Variants in PIR observed in about 807,000 individuals in gnomAD.
PIR encodes pirin, also known as pirin (iron-binding nuclear protein).
PIR carries 22 observed loss-of-function variants against 24.2 expected under a neutral mutation model. The observed-to-expected ratio is 0.91, with a 90% confidence interval of 0.65 to 1.30. PIR has a LOEUF of 1.30. Among genes scored for constraint, PIR ranks in the 50% most tolerant of loss-of-function variants. The pLI, the probability that PIR is intolerant of heterozygous loss-of-function variation, is 0.00. For missense variants in PIR, 220 were observed against 220.3 expected (o/e 1.00, Z 0.01); for synonymous variants, 80 against 79.6 (o/e 1.00, Z -0.03).
chrX:15,473,689 T>C (rs1462191633), intron 3 of PIR, among the ~76,000 whole-genome samples: 1 of 111,057 alleles, frequency 9.0e-6, no homozygotes, highest in Non-Finnish European at 1.9e-5. Context: ...CCCAAGTAAC[T>C]GGGATTACAG....
intron 9 of PIR, 73 bp downstream of exon 9, chrX:15,390,112 A>G (rs1923906071): frequency 4.0e-6 from 2 of 502,259 alleles, no homozygotes; most frequent in Non-Finnish European, 6.3e-6. Flanking sequence ...TCTTCCCAAC[A>G]ATAGTATACA....
intron 6 of PIR, among the ~76,000 whole-genome samples, chrX:15,409,315 T>C (rs1433990647): frequency 5.6e-5 from 6 of 107,668 alleles, no homozygotes; most frequent in South Asian, 4.0e-4. Context: ...GCCAGGATGG[T>C]CTCGATCTCC....
chrX:15,437,066 C>T (rs1229379536), intron 5 of PIR, among the ~76,000 whole-genome samples: 1 of 112,136 alleles, frequency 8.9e-6, no homozygotes, highest in Non-Finnish European at 1.9e-5. Context: ...ACTCAGCAAA[C>T]TTATGCATCA....
chrX:15,491,231 G>C lies in PIR; in HGVS notation c.27C>G (p.Leu9=). 1 of 1,205,227 alleles carries C rather than the reference G, an allele frequency of 8.3e-7. No homozygotes were observed. Among genetic ancestry groups the C allele is most frequent in the Non-Finnish European group, 1.1e-6 (1 of 890,793 alleles). The change falls in exon 2 of 10, where the codon CTC becomes CTG. Residue 9 remains leucine (L), a synonymous_variant. Coordinates refer to ENST00000380420, the MANE Select transcript of PIR (RefSeq NM_001018109.3). The part of the protein sequence containing the change: MGSSKKVT[L]SVLSREQSEG... ...CCGACTGCTCCCGGCTGAGCACTGA[G>C]AGAGTAACTTTCTTGGAGGACCCCA...
chrX:15,402,511 C>CT (rs1761454261), intron 7 of PIR, among the ~76,000 whole-genome samples: 1 of 111,856 alleles, frequency 8.9e-6, no homozygotes, highest in South Asian at 3.7e-4. Flanking sequence ...AGCATTTATA[C>CT]TTTGTGTTAC....
chrX:15,422,462 A>G (rs1273861934), intron 6 of PIR, among the ~76,000 whole-genome samples: 1 of 111,439 alleles, frequency 9.0e-6, no homozygotes, highest in Non-Finnish European at 1.9e-5. Context: ...AGACTAATAA[A>G]CAAATTTGGT....
At chrX:15,492,836 T>C (rs1220402091) in intron 1 of PIR, among the ~76,000 whole-genome samples, 2 of 111,697 alleles carry the variant, frequency 1.8e-5, no homozygotes, top group East Asian at 5.6e-4. Flanking sequence ...ATTTATTGGG[T>C]GATAGGTTGC....
chrX:15,390,678 A>G (rs1923930196), intron 8 of PIR, among the ~76,000 whole-genome samples: 1 of 111,596 alleles, frequency 9.0e-6, no homozygotes, highest in African/African-American at 3.3e-5. Context: ...AATGTAAAAT[A>G]TGCCCCGGAA....
At chrX:15,452,437 C>A (rs1039069130) in intron 5 of PIR, among the ~76,000 whole-genome samples, 28 of 111,665 alleles carry the variant, frequency 2.5e-4, no homozygotes, top group African/African-American at 9.1e-4. Context: ...AATAAATGCT[C>A]AGACACATAC....
At chrX:15,402,305 T>C (rs751953912) in intron 7 of PIR, among the ~76,000 whole-genome samples, 131 of 112,264 alleles carry the variant, frequency 1.2e-3, no homozygotes, top group African/African-American at 4.0e-3. Context: ...AGCATACCCA[T>C]AATGCACCAC....
chrX:15,458,833 G>C (rs553495088), intron 4 of PIR, among the ~76,000 whole-genome samples: 8 of 112,283 alleles, frequency 7.1e-5, no homozygotes, highest in Admixed American at 1.9e-4. Flanking sequence ...CCACTTCCAC[G>C]ATCAGGACAT....
chrX:15,461,787 AAAAT>A (rs776222429), intron 3 of PIR, among the ~76,000 whole-genome samples: 23 of 112,421 alleles, frequency 2.0e-4, no homozygotes, highest in Non-Finnish European at 3.6e-4. Context: ...TCATCTCAAA[AAAAT>A]AAATAAATAA....
At chrX:15,477,117 A>G (rs1265254907) in intron 3 of PIR, among the ~76,000 whole-genome samples, 1 of 111,462 alleles carries the variant, frequency 9.0e-6, no homozygotes, top group Non-Finnish European at 1.9e-5. Flanking sequence ...TATCCTAGTC[A>G]GCATTTTCAA....
rs779953163 is a variant in PIR at position 15,390,049 on chromosome X, T to C, written c.760+136A>G. On this transcript the variant is annotated intron_variant, in intron 9 of 9. Transcript: ENST00000380420. ...TATTTCCCTCTGATGACAGAAAAAT[T>C]AAACAATCCTCAGATTTATAGATGG... is the stretch of plus-strand genomic sequence containing the variant. 7 of 322,122 alleles carry C rather than the reference T, an allele frequency of 2.2e-5. No individual in the cohort carries two copies. The South Asian group carries it at 1.0e-3, about 46-fold the overall frequency. 26.5% of individuals were successfully genotyped at this position (322,122 alleles called of 1,213,427 possible).
intron 8 of PIR, among the ~76,000 whole-genome samples, chrX:15,396,188 G>C (rs868672223): frequency 9.0e-6 from 1 of 111,684 alleles, no homozygotes; most frequent in African/African-American, 3.3e-5. Context: ...CATTTTTGTC[G>C]GTCAAAAGTC....
chrX:15,490,836 G>A (rs997542359), intron 2 of PIR, among the ~76,000 whole-genome samples: 6 of 112,037 alleles, frequency 5.4e-5, no homozygotes, highest in East Asian at 2.8e-4. Context: ...AATAAACTTA[G>A]GGGCTGTGTG....
chrX:15,431,411 T>C (rs1012468329), intron 5 of PIR, among the ~76,000 whole-genome samples: 2 of 112,029 alleles, frequency 1.8e-5, no homozygotes, highest in Non-Finnish European at 3.8e-5. Flanking sequence ...TTCAACATAA[T>C]CATCTGGTTA....
At chrX:15,488,143 T>C (rs1922938698) in intron 2 of PIR, among the ~76,000 whole-genome samples, 1 of 108,779 alleles carries the variant, frequency 9.2e-6, no homozygotes, top group Non-Finnish European at 1.9e-5. Context: ...CCAGGCGTGG[T>C]GGCGCATGCC....
chrX:15,430,554 CATA>C (rs370206749), intron 5 of PIR, among the ~76,000 whole-genome samples: 7 of 111,574 alleles, frequency 6.3e-5, no homozygotes, highest in African/African-American at 2.3e-4. Flanking sequence ...GAACCAAACC[CATA>C]ATGAGTCTCA....
Sources: gnomAD v4.1 joint callset for allele counts (sites outside exome capture counted in the v4.1 genomes callset) on GRCh38, gnomAD v4.1.1 for gene constraint, MANE v1.5 for transcripts, NCBI Gene and HGNC (gene_info 2026-07-23, HGNC 2026-07-21) for gene names.